The following ERN2 variants were observed in gnomAD, a reference collection of about 807,000 sequenced individuals.
ERN2 encodes endoplasmic reticulum to nucleus signaling 2, also known as serine/threonine-protein kinase/endoribonuclease IRE2.
In ERN2, 111 loss-of-function variants were observed where a neutral mutation model predicts 107.9. That is an observed-to-expected ratio of 1.03 (90% CI 0.88 to 1.20). The LOEUF is 1.20. Among genes scored for constraint, ERN2 ranks in the 50% most tolerant of loss-of-function variants. The pLI, the probability that ERN2 is intolerant of heterozygous loss-of-function variation, is 0.00. For synonymous variants in ERN2, 524 were observed against 501.7 expected (o/e 1.04, Z -0.59); for missense variants, 1,225 against 1,197.9 (o/e 1.02, Z -0.33).
In ERN2 at chr16:23,690,713, C is replaced by G; in HGVS notation, c.*118G>C. 1 of 803,876 alleles carries G rather than the reference C, an allele frequency of 1.2e-6. No homozygotes were observed. Among genetic ancestry groups the G allele is most frequent in the Non-Finnish European group, 2.0e-6 (1 of 501,916 alleles). 49.8% of individuals were successfully genotyped at this position (803,876 alleles called of 1,614,324 possible). A position where few individuals can be genotyped will look rare whatever the true frequency, so the allele number is the denominator to read the frequency against. On this transcript the variant is annotated 3_prime_UTR_variant, in exon 22 of 22. Coordinates refer to ENST00000256797, the MANE Select transcript of ERN2 (RefSeq NM_033266.4). ...TCAAGTGATCCTCTCACTCAGCCTC[C>G]CAAAATGCTGGGATTACAGGTGTGA...
At chr16:23,712,317 T>TA (rs1292441555) in intron 1 of ERN2, 5 of 159,678 alleles carry the variant, frequency 3.1e-5, no homozygotes, top group Non-Finnish European at 6.9e-5. Flanking sequence ...CCAATTTTTT[T>TA]AAAAATTGGA....
chr16:23,696,006 G>T (rs754193850), intron 13 of ERN2, 28 bp from the exon 14 acceptor site: 2 of 1,578,322 alleles, frequency 1.3e-6, no homozygotes, highest in South Asian at 2.2e-5. Context: ...GGTGACTCAG[G>T]GAGCCTCTGC....
At position 23,707,020 on chromosome 16, in the gene ERN2, C is replaced by A. The variant is rs1960346358; in HGVS notation, c.366G>T (p.Gly122=). The A allele has an allele frequency of 1.2e-6, 2 of 1,613,856 alleles. No individual in the cohort carries two copies. Among genetic ancestry groups the A allele is most frequent in the African/African-American group, 1.3e-5 (1 of 74,908 alleles). ...VHASPCRSSD[G]VFYTGRKQDA... is the part of the protein sequence containing the mutation. ...AGAGATGCTCACCTGTGTAGAAGAC[C>A]CCATCAGAGCTGCGGCAGGGAGAGG... The change falls in exon 5 of 22, where the codon GGG becomes GGT. Residue 122 remains glycine (G), a synonymous_variant. Transcript: ENST00000256797.
intron 7 of ERN2, 62 bp from the exon 8 acceptor site, chr16:23,705,209 T>A: frequency 3.2e-6 from 5 of 1,565,258 alleles, no homozygotes; most frequent in Non-Finnish European, 3.5e-6. Flanking sequence ...TCCAAGGGTG[T>A]GCCCTCTGGG....
Position 23,695,235 on chromosome 16 carries a change from T to C in ERN2, c.1765A>G (p.Ile589Val), listed in dbSNP as rs761504668. ...CTERGPQFHY[I>V]ALELCRASLQ... Reference sequence around the variant, plus strand: ...GAGGCCCGGCAGAGCTCCAGGGCAATGTAGTGGAACTGGGGTCCCCGCTCG... The same window carrying C: ...GAGGCCCGGCAGAGCTCCAGGGCAACGTAGTGGAACTGGGGTCCCCGCTCG... The change falls in exon 15 of 22, where the codon ATT (isoleucine) becomes GTT (valine). Residue 589 changes from isoleucine to valine, a missense_variant. By Grantham distance (29) the Ile-to-Val change is conservative (BLOSUM62 3). Coordinates refer to ENST00000256797, the MANE Select transcript of ERN2 (RefSeq NM_033266.4). 1 of 1,614,008 alleles carries C rather than the reference T, an allele frequency of 6.2e-7. No homozygotes were observed. Among genetic ancestry groups the C allele is most frequent in the South Asian group, 1.1e-5 (1 of 91,082 alleles).
At chr16:23,708,686 G>A (rs1320759159) in intron 4 of ERN2, among the ~76,000 whole-genome samples, 3 of 151,982 alleles carry the variant, frequency 2.0e-5, no homozygotes, top group Admixed American at 6.6e-5. Context: ...GAGTTCTCAC[G>A]AGATCTGGTT....
At chr16:23,706,695 T>C in intron 6 of ERN2, 59 bp downstream of exon 6, 4 of 1,207,612 alleles carry the variant, frequency 3.3e-6, no homozygotes, top group Non-Finnish European at 3.6e-6. Context: ...CAGCTAGATC[T>C]CAGCAGAGCA....
At chr16:23,692,795 C>T (rs1350438411) in intron 17 of ERN2, among the ~76,000 whole-genome samples, 1 of 151,826 alleles carries the variant, frequency 6.6e-6, no homozygotes, top group Non-Finnish European at 1.5e-5. Context: ...GGCGCAACCA[C>T]AGCTCACTGT....
chr16:23,691,441 C>G lies in ERN2; in HGVS notation c.2377-16G>C. 1.3e-6 allele frequency: 2 copies of G among 1,596,782 alleles called. No homozygotes were observed. The highest frequency in any genetic ancestry group is 1.7e-6 in the Non-Finnish European group (2 of 1,178,712). On this transcript the variant is annotated splice_polypyrimidine_tract_variant and intron_variant, in intron 19 of 21. Coordinates refer to ENST00000256797, the MANE Select transcript of ERN2 (RefSeq NM_033266.4). ...CACTGACGTCCTGGGGCCCAGAGAG[C>G]TCCTGAGCCTTGTGACCGGGGCCAG...
rs1175549041 is a variant in ERN2, at chr16:23,706,177, G to A, written c.589+153C>T. On this transcript the variant is annotated intron_variant, in intron 7 of 21. Transcript: ENST00000256797. ...CTGGGTGTTGAGGGAGTCACTTGGGGTCAGCCATCAGGGGTGTGCCATTTA... is the reference window on the plus strand; with the variant it reads ...CTGGGTGTTGAGGGAGTCACTTGGGATCAGCCATCAGGGGTGTGCCATTTA... 1.2e-5 allele frequency: 7 copies of A among 575,444 alleles called. 1 individual carries two copies. In the Admixed American group the frequency reaches 1.4e-4, roughly 11 times the overall value. The allele number at this position is 575,444 out of a possible 1,614,324, so 35.6% of individuals were successfully genotyped here. A position where few individuals can be genotyped will look rare whatever the true frequency, so the allele number is the denominator to read the frequency against.
chr16:23,711,402 G>C (rs1224234468), intron 1 of ERN2, among the ~76,000 whole-genome samples: 1 of 152,138 alleles, frequency 6.6e-6, no homozygotes, highest in Non-Finnish European at 1.5e-5. Context: ...TATTGCCCAG[G>C]CTGGAATGAA....
At chr16:23,695,726 A>G (rs965785049) in intron 14 of ERN2, among the ~76,000 whole-genome samples, 168 bp downstream of exon 14, 3 of 148,550 alleles carry the variant, frequency 2.0e-5, no homozygotes, top group Non-Finnish European at 4.5e-5. Flanking sequence ...AAGACTCAAA[A>G]AAAAAAAAAA....
intron 19 of ERN2, 80 bp from the exon 20 acceptor site, chr16:23,691,505 G>C: frequency 4.7e-6 from 7 of 1,497,066 alleles, no homozygotes; most frequent in Non-Finnish European, 6.3e-6. Flanking sequence ...TACAGGAGTA[G>C]TTTAGGGTGA....
At chr16:23,708,517 T>A (rs1567254353) in intron 4 of ERN2, among the ~76,000 whole-genome samples, 1 of 151,834 alleles carries the variant, frequency 6.6e-6, no homozygotes, top group Non-Finnish European at 1.5e-5. Context: ...CCACCACACC[T>A]GGCTAATTTT....
rs1960117202 is a variant in ERN2 at position 23,702,407 on chromosome 16, C to A, written c.1064G>T (p.Ser355Ile). 1 of 1,613,456 alleles carries A rather than the reference C, an allele frequency of 6.2e-7. No homozygotes were observed. The highest frequency in any genetic ancestry group is 1.3e-5 in the African/African-American group (1 of 74,932). ...RYPSGSVALP[S>I]QWLLIGHHEL... Reference sequence around the variant, plus strand: ...GATCTCACCAATGAGCAGCCACTGGCTTGGGAGGGCCACACTGCCTGAGGG... The same window carrying A: ...GATCTCACCAATGAGCAGCCACTGGATTGGGAGGGCCACACTGCCTGAGGG... The change falls in exon 10 of 22, where the codon AGC becomes ATC. Residue 355 changes from serine to isoleucine, a missense_variant. By Grantham distance (142) the Ser-to-Ile change is moderately radical (BLOSUM62 -2). Coordinates refer to ENST00000256797, the MANE Select transcript of ERN2 (RefSeq NM_033266.4).
chr16:23,691,708 C>T (rs1424676090), intron 19 of ERN2, among the ~76,000 whole-genome samples: 2 of 152,154 alleles, frequency 1.3e-5, no homozygotes, highest in East Asian at 1.9e-4. Flanking sequence ...AATGATGACT[C>T]GGGTGGAAAG....
intron 4 of ERN2, 30 bp downstream of exon 4, chr16:23,710,142 A>T: frequency 6.5e-7 from 1 of 1,534,062 alleles, no homozygotes; most frequent in Non-Finnish European, 9.0e-7. Context: ...CCTGGCTCTC[A>T]CCCATTCCCG....
intron 14 of ERN2, among the ~76,000 whole-genome samples, 163 bp downstream of exon 14, chr16:23,695,722 CAAAAAAAAA>C (rs57103138): frequency 2.7e-5 from 1 of 37,388 alleles, no homozygotes; most frequent in African/African-American, 9.6e-5. Flanking sequence ...GAGCAAGACT[CAAAAAAAAA>C]AAAAAAAAAA....
chr16:23,703,723 A>C (rs1960185739), intron 8 of ERN2, among the ~76,000 whole-genome samples: 1 of 152,068 alleles, frequency 6.6e-6, no homozygotes, highest in African/African-American at 2.4e-5. Flanking sequence ...TCTGTATTTC[A>C]GTCTTATTTA....
Sources: gnomAD v4.1 joint callset for allele counts (sites outside exome capture counted in the v4.1 genomes callset) on GRCh38, gnomAD v4.1.1 for gene constraint, MANE v1.5 for transcripts, NCBI Gene and HGNC (gene_info 2026-07-23, HGNC 2026-07-21) for gene names.